ARMC2: variants seen among roughly 807,000 people sequenced by gnomAD.
ARMC2 encodes armadillo repeat containing 2.
Under a neutral mutation model 90.3 loss-of-function variants are expected in ARMC2, and 67 were observed. The ratio of observed to expected loss-of-function variants is 0.74; its 90% CI spans 0.61 to 0.91. The LOEUF is 0.91. ARMC2 is among the 40% of genes least tolerant of loss of function. The pLI is 0.00. For missense variants in ARMC2, 920 were observed against 1,030.9 expected, an observed-to-expected ratio of 0.89 and a Z score of 1.47; for synonymous variants, 393 against 393.0, an observed-to-expected ratio of 1.00 and a Z score of 0.00.
At chr6:108,930,126 T>TA (rs548988083) in intron 11 of ARMC2, among the ~76,000 whole-genome samples, 6,265 of 138,954 alleles carry the variant, frequency 0.045, 367 homozygotes, top group African/African-American at 0.14. Context: ...AGACCCTATC[T>TA]AAAAAAAAAA....
At chr6:108,855,131 A>G (rs933274154) in intron 2 of ARMC2, among the ~76,000 whole-genome samples, 4 of 152,196 alleles carry the variant, frequency 2.6e-5, no homozygotes, top group Non-Finnish European at 4.4e-5. Context: ...TTATCTATCC[A>G]TTCACCTACT....
the ARMC2 span, among the ~76,000 whole-genome samples, chr6:108,994,876 G>C: frequency 6.6e-6 from 1 of 151,662 alleles, no homozygotes; most frequent in Admixed American, 6.6e-5. Flanking sequence ...CTAATTTTTT[G>C]TGTTTTTTAG....
intron 3 of ARMC2, among the ~76,000 whole-genome samples, chr6:108,865,305 C>T (rs1011775516): frequency 1.3e-5 from 2 of 152,096 alleles, no homozygotes; most frequent in African/African-American, 4.8e-5. Context: ...TTTAAACTTA[C>T]TTGCAACATT....
the ARMC2 span, chr6:109,009,504 T>C: frequency 3.0e-5 from 36 of 1,208,808 alleles, 1 homozygote; most frequent in African/African-American, 5.2e-4. Context: ...CGGCGAGCGC[T>C]GGGCAGCCGG....
At chr6:109,047,685 G>A in the ARMC2 span, among the ~76,000 whole-genome samples, 106 of 146,846 alleles carry the variant, frequency 7.2e-4, no homozygotes, top group African/African-American at 2.5e-3. Context: ...TTGAGAAATC[G>A]GATGGTTGCC....
In ARMC2 at chr6:108,858,285, A is replaced by G. The variant is rs1475903616; in HGVS notation, c.291+14A>G. The G allele has an allele frequency of 3.2e-6, 5 of 1,579,972 alleles. No homozygotes were observed. Among genetic ancestry groups the G allele is most frequent in the East Asian group, 2.3e-5 (1 of 44,430 alleles). Reference sequence around the variant, plus strand: ...CCACTAGAGCTGGTGAGTACTTTGTATAACCACCAGTAATTTATATTATGT... The same window carrying G: ...CCACTAGAGCTGGTGAGTACTTTGTGTAACCACCAGTAATTTATATTATGT... On this transcript the variant is annotated intron_variant, in intron 3 of 17. Coordinates refer to ENST00000392644, the MANE Select transcript of ARMC2 (RefSeq NM_032131.6).
intron 10 of ARMC2, among the ~76,000 whole-genome samples, chr6:108,923,492 C>CT (rs989024777): frequency 6.7e-6 from 1 of 150,138 alleles, no homozygotes; most frequent in African/African-American, 2.5e-5. Flanking sequence ...TTCTTGTTTT[C>CT]TTTTTTTTAA....
rs1302026931 is a variant in ARMC2 at position 108,930,604 on chromosome 6, T to TG, written c.1496+2371_1496+2372insG. 8.8e-5 allele frequency among the ~76,000 whole-genome samples: 13 copies of TG among 147,416 alleles called. 1 individual carries two copies. The highest frequency in any genetic ancestry group is 1.9e-4 in the Non-Finnish European group (13 of 66,838). On this transcript the variant is annotated intron_variant, in intron 11 of 17. Transcript: ENST00000392644. ...GCTTGCCCTGAATCTTTTTTTTTTTTTTTTTTTTTTGAGTTGGAGTCTTAC... is the reference window on the plus strand; with the variant it reads ...GCTTGCCCTGAATCTTTTTTTTTTTTGTTTTTTTTTTGAGTTGGAGTCTTAC...
In ARMC2 at chr6:108,868,921, A is replaced by G. The variant is rs1489935396; in HGVS notation, c.389A>G (p.Asn130Ser). The change falls in exon 4 of 18, where the codon AAC (asparagine) becomes AGC (serine). Residue 130 changes from asparagine to serine, a missense_variant. Transcript: ENST00000392644. ...CCTGCGAAGATTAGAAGAGTAAGCA[A>G]CGCCAGGGCTCGCTTATTCAGGGCT... is the stretch of plus-strand genomic sequence containing the variant. ...VDPAKIRRVS[N>S]ARARLFRAAS... The G allele has an allele frequency of 1.9e-6, 3 of 1,613,934 alleles. No individual in the cohort carries two copies. Among genetic ancestry groups the G allele is most frequent in the Middle Eastern group, 3.3e-4 (2 of 6,062 alleles).
At chr6:108,923,258 T>C (rs1213373576) in intron 10 of ARMC2, among the ~76,000 whole-genome samples, 1 of 151,982 alleles carries the variant, frequency 6.6e-6, no homozygotes, top group African/African-American at 2.4e-5. Flanking sequence ...AAAAGAAAAA[T>C]GTGTGTTTAA....
At chr6:109,010,590 T>C in the ARMC2 span, among the ~76,000 whole-genome samples, 1 of 152,250 alleles carries the variant, frequency 6.6e-6, no homozygotes, top group African/African-American at 2.4e-5. Context: ...GTTACTCTTT[T>C]AGCTCTTCAA....
Position 108,858,403 on chromosome 6 carries a change from A to G in ARMC2, c.291+132A>G, listed in dbSNP as rs1028984644. The G allele has an allele frequency of 6.8e-5, 34 of 498,670 alleles. No individual in the cohort carries two copies. In the Admixed American group the frequency reaches 8.8e-4, roughly 13 times the overall value. 30.9% of individuals were successfully genotyped at this position (498,670 alleles called of 1,614,324 possible). On this transcript the variant is annotated intron_variant, in intron 3 of 17. Coordinates refer to ENST00000392644, the MANE Select transcript of ARMC2 (RefSeq NM_032131.6). ...CACCTAAATAGACTAATAATTTAAT[A>G]TGAAAACAGATTCTTTTATATTGTT...
the ARMC2 span, among the ~76,000 whole-genome samples, chr6:109,027,410 G>A: frequency 1.3e-5 from 2 of 148,684 alleles, no homozygotes; most frequent in Admixed American, 6.7e-5. Context: ...CAGGGAGGTG[G>A]AGGCTGCAGT....
downstream of ARMC2, among the ~76,000 whole-genome samples, chr6:108,978,632 G>C (rs1260120951): frequency 6.6e-6 from 1 of 152,152 alleles, no homozygotes; most frequent in African/African-American, 2.4e-5. Context: ...GGGAGTCTAA[G>C]TCTCTTTGTA....
chr6:108,988,611 AAAC>A, the ARMC2 span: 1 of 1,613,246 alleles, frequency 6.2e-7, no homozygotes, highest in African/African-American at 1.3e-5. Flanking sequence ...TCAGGAGTGC[AAAC>A]AACAGTTTTG....
chr6:108,892,902 A>C (rs538754730), intron 5 of ARMC2, among the ~76,000 whole-genome samples: 1 of 152,350 alleles, frequency 6.6e-6, no homozygotes, highest in East Asian at 1.9e-4. Flanking sequence ...CTACACAGGA[A>C]GGAGAAGCCA....
At chr6:109,016,771 T>TA in the ARMC2 span, among the ~76,000 whole-genome samples, 1 of 152,228 alleles carries the variant, frequency 6.6e-6, no homozygotes, top group Admixed American at 6.5e-5. Context: ...TAATACCACT[T>TA]AAAAATGTAT....
intron 13 of ARMC2, among the ~76,000 whole-genome samples, chr6:108,954,521 G>A (rs369966210): frequency 8.5e-5 from 13 of 152,306 alleles, no homozygotes; most frequent in East Asian, 7.7e-4. Context: ...TACTCGGGAG[G>A]CTGAGGCAGG....
At chr6:108,937,439 C>G (rs1023092580) in intron 12 of ARMC2, among the ~76,000 whole-genome samples, 14 of 152,138 alleles carry the variant, frequency 9.2e-5, no homozygotes, top group African/African-American at 3.1e-4. Context: ...ACCACAGGGA[C>G]TTCTGATGCA....
Sources: gnomAD v4.1 joint callset for allele counts (sites outside exome capture counted in the v4.1 genomes callset) on GRCh38, gnomAD v4.1.1 for gene constraint, MANE v1.5 for transcripts, NCBI Gene and HGNC (gene_info 2026-07-23, HGNC 2026-07-21) for gene names.